SFMBT1: variants seen among roughly 807,000 people sequenced by gnomAD.
SFMBT1 encodes scm-like with four MBT domains protein 1.
A neutral mutation model predicts 108.7 loss-of-function variants in SFMBT1; 32 were observed. The observed-to-expected ratio is 0.29, with a 90% CI of 0.22 to 0.40. The LOEUF (loss-of-function observed/expected upper bound fraction) is 0.40, where lower values mean the gene tolerates loss of function less well. Ranked by LOEUF, SFMBT1 falls within the 10% of genes least tolerant of loss-of-function variation. SFMBT1 has a pLI of 1.00. For missense variants in SFMBT1, 816 were observed against 1,059.6 expected, an observed-to-expected ratio of 0.77 and a Z score of 3.19; for synonymous variants, 348 against 369.5, an observed-to-expected ratio of 0.94 and a Z score of 0.67.
At chr3:52,939,758 T>C (rs2106809101) in intron 4 of SFMBT1, among the ~76,000 whole-genome samples, 1 of 152,256 alleles carries the variant, frequency 6.6e-6, no homozygotes, top group Non-Finnish European at 1.5e-5. Flanking sequence ...AAAATTTCTT[T>C]CCTTTTTTTC....
At chr3:52,983,563 G>A (rs1704798497) in intron 1 of SFMBT1, among the ~76,000 whole-genome samples, 1 of 152,318 alleles carries the variant, frequency 6.6e-6, no homozygotes, top group Non-Finnish European at 1.5e-5. Context: ...AAGGGAGGAG[G>A]ACAGGGAGTC....
At chr3:52,957,291 A>T (rs2465101) in intron 2 of SFMBT1, among the ~76,000 whole-genome samples, 93,457 of 151,794 alleles carry the variant, frequency 0.62, 29,162 homozygotes, top group South Asian at 0.82. Flanking sequence ...CTTCAAGGAG[A>T]ACTACAAACC....
At chr3:53,029,839 G>T (rs985539013) in intron 1 of SFMBT1, among the ~76,000 whole-genome samples, 1 of 151,968 alleles carries the variant, frequency 6.6e-6, no homozygotes, top group African/African-American at 2.4e-5. Context: ...GCCTCTCCAC[G>T]ACTCTCTACC....
intron 1 of SFMBT1, among the ~76,000 whole-genome samples, chr3:52,984,187 T>C (rs924091223): frequency 1.3e-5 from 2 of 152,136 alleles, no homozygotes; most frequent in African/African-American, 2.4e-5. Context: ...GGAAGAAAAA[T>C]TATGATGAGC....
chr3:52,913,395 A>G, intron 15 of SFMBT1, 83 bp downstream of exon 15: 2 of 1,507,430 alleles, frequency 1.3e-6, no homozygotes, highest in Non-Finnish European at 1.8e-6. Flanking sequence ...TGTCACATCT[A>G]TGGCATGTGG....
rs1297672159 is a variant in SFMBT1, at chr3:52,934,950, T to C, written c.365-49A>G. On this transcript the variant is annotated intron_variant, in intron 4 of 20. Coordinates refer to ENST00000394752, the MANE Select transcript of SFMBT1 (RefSeq NM_016329.4). ...ATTACTCAAAATGCCAGCCACAGAA[T>C]GCAGAGAAACCGAAATCAGTGGAGA... 5.9e-6 allele frequency: 9 copies of C among 1,517,722 alleles called. No homozygotes were observed. The Admixed American group carries it at 7.0e-5, about 12-fold the overall frequency. 94.0% of individuals were successfully genotyped at this position (1,517,722 alleles called of 1,614,324 possible).
rs761444750 is a variant in SFMBT1, at chr3:52,997,096, A to C, written c.-130-27838T>G. Among the ~76,000 whole-genome samples, 10 of 149,274 alleles carry C rather than the reference A, an allele frequency of 6.7e-5. 1 individual carries two copies. The South Asian group carries it at 8.5e-4, about 13-fold the overall frequency. The stretch of plus-strand genomic sequence containing the variant: ...AAAAAAACAAAAACAAAAACAAAAA[A>C]AAAGCTAAACATAGACTTATCATAC... On this transcript the variant is annotated intron_variant, in intron 1 of 20. Transcript: ENST00000394752.
intron 4 of SFMBT1, 25 bp downstream of exon 4, chr3:52,943,328 G>A (rs375353839): frequency 6.9e-5 from 112 of 1,613,670 alleles, no homozygotes; most frequent in South Asian, 3.2e-4. Flanking sequence ...ATCACGTCAC[G>A]TCTTGATAGG....
At chr3:52,936,875 G>A (rs1703023796) in intron 4 of SFMBT1, among the ~76,000 whole-genome samples, 1 of 146,298 alleles carries the variant, frequency 6.8e-6, no homozygotes, top group African/African-American at 2.5e-5. Flanking sequence ...GAAAATCCTA[G>A]TTCTCAATTA....
chr3:52,928,451 A>C (rs1702726422), intron 8 of SFMBT1, 110 bp from the exon 9 acceptor site: 1 of 1,072,856 alleles, frequency 9.3e-7, no homozygotes, highest in African/African-American at 1.6e-5. Context: ...GGGTATTAAT[A>C]ATACTAAACA....
At chr3:52,919,544 G>C (rs532432256) in intron 12 of SFMBT1, among the ~76,000 whole-genome samples, 2 of 152,182 alleles carry the variant, frequency 1.3e-5, no homozygotes, top group African/African-American at 4.8e-5. Context: ...GTTTCTTTCT[G>C]AAATGATGAA....
At chr3:52,999,373 G>A (rs1408789954) in intron 1 of SFMBT1, among the ~76,000 whole-genome samples, 1 of 150,510 alleles carries the variant, frequency 6.6e-6, no homozygotes, top group Admixed American at 6.7e-5. Context: ...GCGGGGAGGA[G>A]CCACCCACGC....
chr3:52,960,348 G>A (rs1703918915), intron 2 of SFMBT1, among the ~76,000 whole-genome samples: 1 of 152,060 alleles, frequency 6.6e-6, no homozygotes, highest in African/African-American at 2.4e-5. Flanking sequence ...GGCTTAAACT[G>A]TATTATGTTT....
At chr3:53,020,576 GCAATA>G (rs1488048967) in intron 1 of SFMBT1, among the ~76,000 whole-genome samples, 2 of 152,034 alleles carry the variant, frequency 1.3e-5, no homozygotes, top group African/African-American at 2.4e-5. Flanking sequence ...CTACCTTCCT[GCAATA>G]CAAGCTGTTG....
intron 1 of SFMBT1, among the ~76,000 whole-genome samples, chr3:53,036,912 G>C (rs1052188714): frequency 1.3e-5 from 2 of 152,164 alleles, no homozygotes; most frequent in African/African-American, 4.8e-5. Flanking sequence ...CTAGGGAGCA[G>C]CTCAAAGATT....
intron 1 of SFMBT1, among the ~76,000 whole-genome samples, chr3:53,005,278 A>T (rs1289561498): frequency 6.6e-6 from 1 of 152,192 alleles, no homozygotes; most frequent in Non-Finnish European, 1.5e-5. Flanking sequence ...GCATGATGGG[A>T]GTAAAGTGAA....
chr3:52,918,589 G>T, intron 12 of SFMBT1, 63 bp from the exon 13 acceptor site: 1 of 1,071,704 alleles, frequency 9.3e-7, no homozygotes, highest in Non-Finnish European at 1.3e-6. Context: ...AAATTCATAT[G>T]TGTATTAAGG....
At chr3:53,010,032 T>C (rs1430670493) in intron 1 of SFMBT1, among the ~76,000 whole-genome samples, 1 of 152,192 alleles carries the variant, frequency 6.6e-6, no homozygotes, top group Non-Finnish European at 1.5e-5. Context: ...CAAGGTCAAC[T>C]ATATTTGGTT....
chr3:52,907,908 A>G (rs1483922794), intron 17 of SFMBT1, among the ~76,000 whole-genome samples, 175 bp from the exon 18 acceptor site: 1 of 152,112 alleles, frequency 6.6e-6, no homozygotes, highest in Non-Finnish European at 1.5e-5. Context: ...GTACTGAATG[A>G]TCCCTCCATA....
Sources: gnomAD v4.1 joint callset for allele counts (sites outside exome capture counted in the v4.1 genomes callset) on GRCh38, gnomAD v4.1.1 for gene constraint, MANE v1.5 for transcripts, NCBI Gene and HGNC (gene_info 2026-07-23, HGNC 2026-07-21) for gene names.